PPP6R3: variants seen among roughly 807,000 people sequenced by gnomAD.
PPP6R3 encodes serine/threonine-protein phosphatase 6 regulatory subunit 3.
In PPP6R3, 38 loss-of-function variants were observed where a neutral mutation model predicts 110.7. The observed-to-expected ratio is 0.34, with a 90% CI of 0.26 to 0.45. PPP6R3 has a LOEUF of 0.45. PPP6R3 is among the 20% of genes least tolerant of loss of function. The pLI is 1.00. For synonymous variants in PPP6R3, 369 were observed against 373.5 expected, an observed-to-expected ratio of 0.99 and a Z score of 0.14; for missense variants, 870 against 1,062.4, an observed-to-expected ratio of 0.82 and a Z score of 2.52.
At chr11:68,594,213 A>T (rs1305816622) in intron 18 of PPP6R3, among the ~76,000 whole-genome samples, 1 of 151,888 alleles carries the variant, frequency 6.6e-6, no homozygotes, top group Non-Finnish European at 1.5e-5. Context: ...TACACAACCT[A>T]ATAACTGCAT....
At chr11:68,502,663 T>C (rs78510867) in intron 1 of PPP6R3, among the ~76,000 whole-genome samples, 2,074 of 152,208 alleles carry the variant, frequency 0.014, 57 homozygotes, top group African/African-American at 0.047. Flanking sequence ...GTGAATTGGA[T>C]TGGAAGGGAA....
intron 1 of PPP6R3, among the ~76,000 whole-genome samples, chr11:68,505,543 T>C (rs1320228761): frequency 6.6e-6 from 1 of 152,186 alleles, no homozygotes; most frequent in Non-Finnish European, 1.5e-5. Context: ...TTAACGTGAG[T>C]CAGAGCAGTG....
In PPP6R3 at chr11:68,613,626, C is replaced by CTAACT; in HGVS notation, c.*512_*516dup. ...CCCTCTAAGTGTTATTTTGGTTGTT[C>CTAACT]TAACTTACAAAAGTGATTTTGAATA... is the stretch of plus-strand genomic sequence containing the variant. On this transcript the variant is annotated 3_prime_UTR_variant, in exon 24 of 24. Coordinates refer to ENST00000393800, the MANE Select transcript of PPP6R3 (RefSeq NM_001164161.2). 1 of 985,698 alleles carries CTAACT rather than the reference C, an allele frequency of 1.0e-6. No individual in the cohort carries two copies. Among genetic ancestry groups the CTAACT allele is most frequent in the Non-Finnish European group, 1.2e-6 (1 of 829,904 alleles). 61.1% of individuals were successfully genotyped at this position (985,698 alleles called of 1,614,324 possible).
At chr11:68,537,430 G>C (rs752127710) in intron 2 of PPP6R3, among the ~76,000 whole-genome samples, 23 of 152,044 alleles carry the variant, frequency 1.5e-4, no homozygotes, top group Non-Finnish European at 8.8e-5. Flanking sequence ...TTAGCTTTGA[G>C]CATTTTCAAG....
At chr11:68,471,331 G>A (rs1441578522) in intron 1 of PPP6R3, among the ~76,000 whole-genome samples, 1 of 151,760 alleles carries the variant, frequency 6.6e-6, no homozygotes, top group Non-Finnish European at 1.5e-5. Context: ...CAATATTTAG[G>A]TGGCATTTAA....
chr11:68,525,642 T>TA (rs1264359289), intron 2 of PPP6R3, among the ~76,000 whole-genome samples: 1 of 152,164 alleles, frequency 6.6e-6, no homozygotes, highest in Non-Finnish European at 1.5e-5. Flanking sequence ...GCTAAAACTT[T>TA]AAAAAAACGG....
chr11:68,503,920 T>C (rs946720657), intron 1 of PPP6R3, among the ~76,000 whole-genome samples: 1 of 152,106 alleles, frequency 6.6e-6, no homozygotes, highest in Non-Finnish European at 1.5e-5. Context: ...GCAAATGCAT[T>C]GTTGACCAGG....
intron 12 of PPP6R3, among the ~76,000 whole-genome samples, chr11:68,572,257 T>G (rs1469390283): frequency 6.6e-6 from 1 of 152,182 alleles, no homozygotes; most frequent in Non-Finnish European, 1.5e-5. Flanking sequence ...TCTTGCTGCC[T>G]CCTCATCTGG....
At chr11:68,503,628 A>T (rs2099059950) in intron 1 of PPP6R3, among the ~76,000 whole-genome samples, 1 of 152,212 alleles carries the variant, frequency 6.6e-6, no homozygotes, top group Non-Finnish European at 1.5e-5. Flanking sequence ...GTACGTGAGG[A>T]CAGAAGAGTT....
At chr11:68,533,226 C>A (rs1047799088) in intron 2 of PPP6R3, among the ~76,000 whole-genome samples, 5 of 152,076 alleles carry the variant, frequency 3.3e-5, no homozygotes, top group African/African-American at 1.2e-4. Flanking sequence ...TTTACCAGTG[C>A]CATTTGTTTC....
At chr11:68,478,555 T>C (rs1173706062) in intron 1 of PPP6R3, among the ~76,000 whole-genome samples, 1 of 151,914 alleles carries the variant, frequency 6.6e-6, no homozygotes, top group Non-Finnish European at 1.5e-5. Flanking sequence ...TTTTGTGGCC[T>C]TAACGTTTTA....
chr11:68,500,886 A>C (rs1181486867), intron 1 of PPP6R3, among the ~76,000 whole-genome samples: 1 of 152,208 alleles, frequency 6.6e-6, no homozygotes, highest in Non-Finnish European at 1.5e-5. Flanking sequence ...AATCACATTG[A>C]AATTCATTTA....
Position 68,600,440 on chromosome 11 carries a change from T to A in PPP6R3, c.2138T>A (p.Met713Lys). Residue 713 changes from methionine to lysine, a missense_variant, in exon 20 of 24, where the codon ATG becomes AAG. Physicochemically the swap from Met to Lys is moderately conservative, Grantham distance 95. Transcript: ENST00000393800. ...GSDVWSTEEPMPTKETGWASF... is the reference protein window; with the variant it reads ...GSDVWSTEEPKPTKETGWASF... ...GATGTCTGGAGCACAGAGGAGCCGA[T>A]GCCAACTAAAGAGACGGGCTGGGCT... The A allele has an allele frequency of 6.2e-7, 1 of 1,614,178 alleles. No individual in the cohort carries two copies. Among genetic ancestry groups the A allele is most frequent in the Non-Finnish European group, 8.5e-7 (1 of 1,180,012 alleles).
At position 68,500,353 on chromosome 11, in the gene PPP6R3, G is replaced by C. The variant is rs111849112; in HGVS notation, c.-157-19148G>C. Among the ~76,000 whole-genome samples, 526 of 152,174 alleles carry C rather than the reference G, an allele frequency of 3.5e-3. 8 individuals carry two copies. Among genetic ancestry groups the C allele is most frequent in the African/African-American group, 0.012 (503 of 41,522 alleles). On this transcript the variant is annotated intron_variant, in intron 1 of 23. Transcript: ENST00000393800. ...CCCACCATGCCTTCCATTTGTGGGA[G>C]GACTGGGCTCTTTTGTTTTGTGGTA...
At chr11:68,605,578 G>A (rs1939188527) in intron 22 of PPP6R3, among the ~76,000 whole-genome samples, 2 of 152,140 alleles carry the variant, frequency 1.3e-5, no homozygotes, top group African/African-American at 2.4e-5. Flanking sequence ...TACAGTTTGG[G>A]TGTAAGGCAT....
intron 1 of PPP6R3, among the ~76,000 whole-genome samples, chr11:68,475,716 G>A (rs1257705020): frequency 1.6e-5 from 2 of 126,594 alleles, no homozygotes; most frequent in African/African-American, 2.9e-5. Flanking sequence ...GGTGGCTGCC[G>A]GGCGGAGACG....
chr11:68,478,900 C>T (rs2098870080), intron 1 of PPP6R3, among the ~76,000 whole-genome samples: 1 of 152,086 alleles, frequency 6.6e-6, no homozygotes, highest in South Asian at 2.1e-4. Context: ...TCGTGATCCA[C>T]CTGCCTCAGC....
At chr11:68,576,210 A>G (rs1301557255) in intron 14 of PPP6R3, among the ~76,000 whole-genome samples, 167 bp downstream of exon 14, 1 of 152,148 alleles carries the variant, frequency 6.6e-6, no homozygotes, top group African/African-American at 2.4e-5. Context: ...ATTCTTGCCC[A>G]TTTGTCTAGT....
chr11:68,537,551 G>A (rs1592739312), intron 2 of PPP6R3, 108 bp from the exon 3 acceptor site: 1 of 714,214 alleles, frequency 1.4e-6, no homozygotes, highest in South Asian at 2.0e-5. Flanking sequence ...TTTAACTTAT[G>A]TGAGCCAAGT....
Sources: allele counts gnomAD v4.1 joint callset (sites outside exome capture counted in the v4.1 genomes callset), GRCh38; gene constraint gnomAD v4.1.1; transcripts MANE v1.5; gene names NCBI Gene and HGNC (gene_info 2026-07-23, HGNC 2026-07-21).